The following DCTN2 variants were observed in gnomAD, a reference collection of about 807,000 sequenced individuals.
The protein encoded by DCTN2 is dynactin subunit 2.
In DCTN2, 18 loss-of-function variants were observed where a neutral mutation model predicts 55.4. That is an observed-to-expected ratio of 0.32 (90% CI 0.22 to 0.48). The LOEUF (loss-of-function observed/expected upper bound fraction) is 0.48. Among genes scored for constraint, DCTN2 ranks in the 20% least tolerant of loss-of-function variants. The pLI is 0.99. For missense variants in DCTN2, 390 were observed against 491.0 expected (o/e 0.79, Z 1.94); for synonymous variants, 168 against 185.2 (o/e 0.91, Z 0.76).
At chr12:57,542,600 T>C (rs896116518) in intron 2 of DCTN2, among the ~76,000 whole-genome samples, 5 of 151,530 alleles carry the variant, frequency 3.3e-5, no homozygotes, top group African/African-American at 1.2e-4. Context: ...GATGGATCAC[T>C]TGAGGCCAGG....
chr12:57,533,888 G>A, intron 7 of DCTN2, 65 bp downstream of exon 7: 2 of 1,500,840 alleles, frequency 1.3e-6, no homozygotes, highest in Non-Finnish European at 1.8e-6. Flanking sequence ...CTTGGAGAGA[G>A]GCAGGAAAAT....
chr12:57,540,251 A>G lies in DCTN2; in HGVS notation c.106-4406T>C, dbSNP rs1402402905. On this transcript the variant is annotated intron_variant, in intron 2 of 13. Coordinates refer to ENST00000548249, the MANE Select transcript of DCTN2 (RefSeq NM_001261413.2). Reference sequence around the variant, plus strand: ...ACCAGCTTGGGAGAAACTCAAGGAGAGAAAGAAGACAATGGGCCATAAGCT... The same window carrying G: ...ACCAGCTTGGGAGAAACTCAAGGAGGGAAAGAAGACAATGGGCCATAAGCT... Among the ~76,000 whole-genome samples the G allele has an allele frequency of 2.0e-5, 3 of 152,202 alleles. No homozygotes were observed. In the South Asian group the frequency reaches 6.2e-4, roughly 32 times the overall value.
chr12:57,532,299 T>G lies in DCTN2; in HGVS notation c.941A>C (p.Glu314Ala), dbSNP rs1370495207. 8 of 1,560,332 alleles carry G rather than the reference T, an allele frequency of 5.1e-6. No homozygotes were observed. The highest frequency in any genetic ancestry group is 6.9e-6 in the Non-Finnish European group (8 of 1,151,712). ...DTQSKVHQLYETIQRWSPIAS... is the reference protein window; with the variant it reads ...DTQSKVHQLYATIQRWSPIAS... ...AATGGGGCTCCAGCGCTGTATAGTT[T>G]CATATAGCTGGTGCACCTGAAGGGA... Residue 314 changes from glutamate (E) to alanine (A), a missense_variant, in exon 12 of 14, where the codon GAA becomes GCA. Glu to Ala is a moderately radical substitution (Grantham distance 107, BLOSUM62 -1). This residue lies in a region of DCTN2 where 273 missense variants were observed against 303.2 expected (regional missense o/e 0.90). Transcript: ENST00000548249.
rs115767148 is a variant in DCTN2 at position 57,547,073 on chromosome 12, G to A, written c.-10C>T. On this transcript the variant is annotated 5_prime_UTR_variant, in exon 1 of 14. Coordinates refer to ENST00000548249, the MANE Select transcript of DCTN2 (RefSeq NM_001261413.2). ...ATTTAGGGTCCGCCATGGCGGCGGC[G>A]AGACGGGCTGGGGGACCCGGGCCTC... is the stretch of plus-strand genomic sequence containing the variant. 4,922 of 1,269,478 alleles carry A rather than the reference G, an allele frequency of 3.9e-3. 153 individuals are homozygous for A. In the African/African-American group the frequency reaches 0.069, roughly 18 times the overall value. 78.6% of individuals were successfully genotyped at this position (1,269,478 alleles called of 1,614,324 possible).
chr12:57,535,040 G>T lies in DCTN2; in HGVS notation c.363+16C>A. 1.3e-6 allele frequency: 2 copies of T among 1,593,668 alleles called. No individual in the cohort carries two copies. Among genetic ancestry groups the T allele is most frequent in the Non-Finnish European group, 1.7e-6 (2 of 1,162,596 alleles). The stretch of plus-strand genomic sequence containing the variant: ...GTAAGTCACAGCAGAGAAGGGAGAA[G>T]AGAGTTTGTAGTTACCTTGATTTTT... On this transcript the variant is annotated intron_variant, in intron 5 of 13. Coordinates refer to ENST00000548249, the MANE Select transcript of DCTN2 (RefSeq NM_001261413.2).
chr12:57,530,555 C>A lies in DCTN2; in HGVS notation c.*134G>T. 1 of 766,908 alleles carries A rather than the reference C, an allele frequency of 1.3e-6. No individual in the cohort carries two copies. The highest frequency in any genetic ancestry group is 1.7e-5 in the African/African-American group (1 of 57,396). 47.5% of individuals were successfully genotyped at this position (766,908 alleles called of 1,614,324 possible). A position where few individuals can be genotyped will look rare whatever the true frequency, so the allele number is the denominator to read the frequency against. On this transcript the variant is annotated 3_prime_UTR_variant, in exon 14 of 14. Transcript: ENST00000548249. ...AGGGGAGGGGTATAAACCCCACATG[C>A]AAGAAGAACCCTTGCCCCCAGTGTC...
At position 57,546,045 on chromosome 12, in the gene DCTN2, G is replaced by C; in HGVS notation, c.88C>G (p.Gln30Glu). The change falls in exon 2 of 14, where the codon CAA becomes GAA. Residue 30 changes from glutamine (Q) to glutamate (E), a missense_variant. Coordinates refer to ENST00000548249, the MANE Select transcript of DCTN2 (RefSeq NM_001261413.2). The part of the protein sequence containing the change: ...YETSDLPEDD[Q>E]AEFDAEELTS... Reference sequence around the variant, plus strand: ...ATTCTTACCGCATCGAACTCCGCTTGATCATCCTCAGGTAGGTCGCTAGTT... The same window carrying C: ...ATTCTTACCGCATCGAACTCCGCTTCATCATCCTCAGGTAGGTCGCTAGTT... 1.2e-6 allele frequency: 2 copies of C among 1,613,832 alleles called. No homozygotes were observed. The highest frequency in any genetic ancestry group is 2.2e-5 in the East Asian group (1 of 44,878).
At position 57,532,983 on chromosome 12, in the gene DCTN2, C is replaced by A. The variant is rs1413341832; in HGVS notation, c.774+1G>T. On this transcript the variant is annotated splice_donor_variant, in intron 9 of 13. Coordinates refer to ENST00000548249, the MANE Select transcript of DCTN2 (RefSeq NM_001261413.2). LOFTEE classifies it high-confidence loss of function. ...AACACTCCAGTTTCTTCCAAACTCA[C>A]CATGAGACAGGCTCCCTGTAGACCT... 2 of 1,602,960 alleles carry A rather than the reference C, an allele frequency of 1.2e-6. No individual in the cohort carries two copies. Among genetic ancestry groups the A allele is most frequent in the Non-Finnish European group, 1.7e-6 (2 of 1,174,940 alleles).
At chr12:57,534,667 T>G in intron 5 of DCTN2, 1 of 509,430 alleles carries the variant, frequency 2.0e-6, no homozygotes. Flanking sequence ...TTAAGGAATC[T>G]TTCTTTCTTT....
At chr12:57,534,254 C>T (rs923663725) in intron 6 of DCTN2, 38 bp downstream of exon 6, 7 of 1,550,604 alleles carry the variant, frequency 4.5e-6, no homozygotes, top group Non-Finnish European at 5.2e-6. Flanking sequence ...TCCACAACCC[C>T]AGTCAGCAAT....
At chr12:57,539,684 C>T (rs928753377) in intron 2 of DCTN2, among the ~76,000 whole-genome samples, 2 of 152,204 alleles carry the variant, frequency 1.3e-5, no homozygotes, top group Admixed American at 1.3e-4. Context: ...CCAGATACCT[C>T]TTAATCACAA....
chr12:57,539,033 T>TA (rs1239030211), intron 2 of DCTN2, among the ~76,000 whole-genome samples: 1 of 152,246 alleles, frequency 6.6e-6, no homozygotes, highest in Non-Finnish European at 1.5e-5. Context: ...TCCTATCTCT[T>TA]AGTTTCTCTA....
intron 2 of DCTN2, chr12:57,543,205 C>T (rs1156756476): frequency 2.5e-5 from 9 of 362,410 alleles, no homozygotes; most frequent in South Asian, 1.3e-4. Flanking sequence ...GAAAATTAGC[C>T]GGGTGTGGTG....
intron 2 of DCTN2, chr12:57,538,647 T>A (rs988507982): frequency 5.9e-6 from 4 of 676,328 alleles, no homozygotes; most frequent in Non-Finnish European, 1.1e-5. Context: ...ATGCACTACA[T>A]GACAGTCTTC....
chr12:57,534,999 G>T, intron 5 of DCTN2, 57 bp downstream of exon 5: 1 of 1,412,278 alleles, frequency 7.1e-7, no homozygotes, highest in Non-Finnish European at 9.9e-7. Flanking sequence ...TCTTGCTTGA[G>T]GTCTTCCTCT....
rs772135952 is a variant in DCTN2, at chr12:57,532,195, T to G, written c.1027+18A>C. 390 of 1,552,698 alleles carry G rather than the reference T, an allele frequency of 2.5e-4. No homozygotes were observed. The highest frequency in any genetic ancestry group is 3.1e-4 in the Non-Finnish European group (360 of 1,147,554). On this transcript the variant is annotated intron_variant, in intron 12 of 13. Transcript: ENST00000548249. ...ATTTTTCAACTTCTCTTAGCACTCC[T>G]GGCAGCTGGCCTCCCACCTTGCTCG...
chr12:57,537,569 C>G (rs1880347685), intron 2 of DCTN2, among the ~76,000 whole-genome samples: 1 of 152,030 alleles, frequency 6.6e-6, no homozygotes, highest in Admixed American at 6.6e-5. Flanking sequence ...CTCCTTCCTT[C>G]ATCTCTGCTC....
rs202087129 is a variant in DCTN2, at chr12:57,546,041, G to A, written c.92C>T (p.Ala31Val). The change falls in exon 2 of 14, where the codon GCG becomes GTG. Residue 31 changes from alanine (A) to valine (V), a missense_variant. Physicochemically the swap from Ala to Val is moderately conservative, Grantham distance 64. Coordinates refer to ENST00000548249, the MANE Select transcript of DCTN2 (RefSeq NM_001261413.2). ...ACACATTCTTACCGCATCGAACTCC[G>A]CTTGATCATCCTCAGGTAGGTCGCT... ...ETSDLPEDDQAEFDAEELTST... is the reference protein window; with the variant it reads ...ETSDLPEDDQVEFDAEELTST... 284 of 1,613,660 alleles carry A rather than the reference G, an allele frequency of 1.8e-4. No individual in the cohort carries two copies. Among genetic ancestry groups the A allele is most frequent in the Middle Eastern group, 9.9e-4 (6 of 6,080 alleles).
Position 57,538,166 on chromosome 12 carries a change from G to A in DCTN2, c.106-2321C>T, listed in dbSNP as rs1416303708. The A allele has an allele frequency of 3.8e-5, 15 of 395,636 alleles. No homozygotes were observed. The East Asian group carries it at 8.6e-4, about 23-fold the overall frequency. The allele number at this position is 395,636 out of a possible 1,614,324, so 24.5% of individuals were successfully genotyped here. A position where few individuals can be genotyped will look rare whatever the true frequency, so the allele number is the denominator to read the frequency against. ...GTAGAAGAGGGTCAACACATAGACGGTGAGTCTCAGAGGTTCTGGACAGTC... is the reference window on the plus strand; with the variant it reads ...GTAGAAGAGGGTCAACACATAGACGATGAGTCTCAGAGGTTCTGGACAGTC... On this transcript the variant is annotated intron_variant, in intron 2 of 13. Transcript: ENST00000548249.
Sources: gnomAD v4.1 joint callset for allele counts (sites outside exome capture counted in the v4.1 genomes callset) on GRCh38, gnomAD v4.1.1 for gene constraint, gnomAD v4.1.1 regional missense constraint, MANE v1.5 for transcripts, NCBI Gene and HGNC (gene_info 2026-07-23, HGNC 2026-07-21) for gene names.